PDXDC1: variants seen among roughly 807,000 people sequenced by gnomAD.
PDXDC1 encodes the protein pyridoxal dependent decarboxylase domain containing 1.
Under a neutral mutation model 100.1 loss-of-function variants are expected in PDXDC1, and 42 were observed. That is an observed-to-expected ratio of 0.42 (90% CI 0.33 to 0.54). The LOEUF (loss-of-function observed/expected upper bound fraction) is 0.54. Ranked by LOEUF, PDXDC1 falls within the 20% of genes least tolerant of loss-of-function variation. The pLI, the probability that PDXDC1 is intolerant of heterozygous loss-of-function variation, is 0.10. For synonymous variants in PDXDC1, 260 were observed against 371.7 expected (o/e 0.70, Z 3.46); for missense variants, 636 against 979.2 (o/e 0.65, Z 4.68).
intron 16 of PDXDC1, chr16:15,104,870 C>A: frequency 6.6e-7 from 1 of 1,523,026 alleles, no homozygotes; most frequent in Non-Finnish European, 8.8e-7. Flanking sequence ...TTGCACCTTT[C>A]CATCCTCCAG....
chr16:15,022,802 C>A, intron 13 of PDXDC1, 48 bp downstream of exon 13: 3 of 1,416,248 alleles, frequency 2.1e-6, no homozygotes, highest in Non-Finnish European at 2.9e-6. Context: ...TTTTTTTGAA[C>A]CTCAGCAACT....
intron 1 of PDXDC1, among the ~76,000 whole-genome samples, chr16:14,987,050 G>A (rs1312791977): frequency 6.6e-6 from 1 of 152,276 alleles, no homozygotes; most frequent in African/African-American, 2.4e-5. Context: ...GCGTGGCCAT[G>A]CTTTCACTCT....
intron 18 of PDXDC1, 129 bp from the exon 19 acceptor site, chr16:15,033,149 C>A: frequency 8.7e-7 from 1 of 1,143,874 alleles, no homozygotes; most frequent in Non-Finnish European, 1.3e-6. Context: ...AGGCCTTTCT[C>A]TCCGCCCTTA....
At chr16:15,029,097 C>A in intron 15 of PDXDC1, 131 bp downstream of exon 15, 3 of 1,074,174 alleles carry the variant, frequency 2.8e-6, no homozygotes, top group Non-Finnish European at 4.1e-6. Flanking sequence ...CAGTGCTGGG[C>A]CTGCTCTGGA....
chr16:14,974,970 C>G, upstream of PDXDC1: 6 of 1,535,006 alleles, frequency 3.9e-6, no homozygotes, highest in Non-Finnish European at 5.2e-6. Context: ...GGCGTGGCGC[C>G]CAGGTACGGA....
chr16:15,146,918 G>A, the PDXDC1 span, among the ~76,000 whole-genome samples: 2 of 151,768 alleles, frequency 1.3e-5, no homozygotes, highest in Non-Finnish European at 2.9e-5. Context: ...TGAGGAAACT[G>A]AGGCTGAGAG....
At chr16:15,038,705 A>G (rs557481252), downstream of PDXDC1, 2 of 1,397,506 alleles carry the variant, frequency 1.4e-6, no homozygotes, top group African/African-American at 1.4e-5. Flanking sequence ...AGAACGTGTC[A>G]AGGATAGAAT....
intron 16 of PDXDC1, among the ~76,000 whole-genome samples, chr16:15,124,550 G>A (rs3883146): frequency 7.3e-5 from 11 of 150,964 alleles, no homozygotes; most frequent in Admixed American, 4.0e-4. Flanking sequence ...CGAGGTGGGC[G>A]GATCACAAGG....
chr16:14,993,573 T>C lies in PDXDC1; in HGVS notation c.22-4180T>C, dbSNP rs1244610877. Among the ~76,000 whole-genome samples, 5 of 152,416 alleles carry C rather than the reference T, an allele frequency of 3.3e-5. No homozygotes were observed. The South Asian group carries it at 8.3e-4, about 25-fold the overall frequency. ...GACATTTGGGTTGGTTCCAAGTCTT[T>C]GCTATTGTGAATAGTGCCACAATAA... On this transcript the variant is annotated intron_variant, in intron 1 of 22. Coordinates refer to ENST00000396410, the MANE Select transcript of PDXDC1 (RefSeq NM_015027.4).
At chr16:15,013,892 A>T (rs1172174859) in intron 8 of PDXDC1, among the ~76,000 whole-genome samples, 1 of 139,206 alleles carries the variant, frequency 7.2e-6, no homozygotes, top group Non-Finnish European at 1.6e-5. Flanking sequence ...AAAAAAAAAA[A>T]AAAAATCATA....
In PDXDC1 at chr16:15,037,678, G is replaced by GA. The variant is rs1285172777; in HGVS notation, c.*1406dup. 1.1e-5 allele frequency: 2 copies of GA among 177,698 alleles called. No homozygotes were observed. Among genetic ancestry groups the GA allele is most frequent in the African/African-American group, 2.4e-5 (1 of 42,474 alleles). 11.0% of individuals were successfully genotyped at this position (177,698 alleles called of 1,614,324 possible). ...AATGTTGGTTTCAATAAAGGTTCTTGAAATTGTTACCAGTGAATTCAGTTT... is the reference window on the plus strand; with the variant it reads ...AATGTTGGTTTCAATAAAGGTTCTTGAAAATTGTTACCAGTGAATTCAGTTT... On this transcript the variant is annotated 3_prime_UTR_variant, in exon 23 of 23. Transcript: ENST00000396410.
intron 16 of PDXDC1, among the ~76,000 whole-genome samples, chr16:15,091,734 A>G (rs1385237654): frequency 2.0e-5 from 3 of 152,232 alleles, no homozygotes; most frequent in Non-Finnish European, 4.4e-5. Context: ...ATACAAATGG[A>G]TATTACATAT....
chr16:15,136,089 C>T lies in PDXDC1; in HGVS notation c.1400-2790C>T, dbSNP rs575958910. Reference sequence around the variant, plus strand: ...CGCCCTGCGGCGCTGGGCCCACCTCCACCCGCTGCACAGTCGAGAAGCCGA... The same window carrying T: ...CGCCCTGCGGCGCTGGGCCCACCTCTACCCGCTGCACAGTCGAGAAGCCGA... On this transcript the variant is annotated intron_variant, in intron 16 of 16. Transcript: ENST00000535621. The T allele has an allele frequency of 2.6e-4, 416 of 1,581,844 alleles. 3 individuals carry two copies. The South Asian group carries it at 4.4e-3, about 17-fold the overall frequency.
intron 16 of PDXDC1, among the ~76,000 whole-genome samples, chr16:15,074,235 A>G (rs948156227): frequency 2.0e-5 from 3 of 152,212 alleles, no homozygotes; most frequent in Non-Finnish European, 2.9e-5. Context: ...TGACTCACTG[A>G]GCTCATCTTA....
intron 16 of PDXDC1, among the ~76,000 whole-genome samples, chr16:15,103,817 G>A (rs2046658709): frequency 9.4e-6 from 1 of 105,910 alleles, no homozygotes; most frequent in Non-Finnish European, 2.0e-5. Flanking sequence ...TAATGTGAGT[G>A]ATCTTTAACA....
chr16:14,990,891 T>C (rs1474034180), intron 1 of PDXDC1, among the ~76,000 whole-genome samples: 1 of 152,258 alleles, frequency 6.6e-6, no homozygotes, highest in Non-Finnish European at 1.5e-5. Context: ...CAGGCATACG[T>C]GACCATGCCC....
chr16:15,067,181 G>A (rs1040488521), intron 16 of PDXDC1, among the ~76,000 whole-genome samples: 1 of 151,916 alleles, frequency 6.6e-6, no homozygotes. Flanking sequence ...AACTAAAGAG[G>A]CTGACGGAGC....
chr16:15,021,229 T>A (rs1184202897), intron 12 of PDXDC1, among the ~76,000 whole-genome samples: 22 of 152,140 alleles, frequency 1.4e-4, no homozygotes, highest in Non-Finnish European at 1.5e-5. Context: ...ATACAAAAAT[T>A]AGCCAGGTGT....
Position 15,036,817 on chromosome 16 carries a change from T to G in PDXDC1, c.*542T>G, listed in dbSNP as rs549969486. ...ATCAGAAGCCCTCCCCAGCTACTGCTCTTCGTGGAGACTTAGTAAGGACTG... is the reference window on the plus strand; with the variant it reads ...ATCAGAAGCCCTCCCCAGCTACTGCGCTTCGTGGAGACTTAGTAAGGACTG... On this transcript the variant is annotated 3_prime_UTR_variant, in exon 23 of 23. Coordinates refer to ENST00000396410, the MANE Select transcript of PDXDC1 (RefSeq NM_015027.4). 1 of 159,552 alleles carries G rather than the reference T, an allele frequency of 6.3e-6. No individual in the cohort carries two copies. Among genetic ancestry groups the G allele is most frequent in the African/African-American group, 2.4e-5 (1 of 41,624 alleles). 9.9% of individuals were successfully genotyped at this position (159,552 alleles called of 1,614,324 possible).
Sources: gnomAD v4.1 joint callset for allele counts (sites outside exome capture counted in the v4.1 genomes callset) on GRCh38, gnomAD v4.1.1 for gene constraint, MANE v1.5 for transcripts, NCBI Gene and HGNC (gene_info 2026-07-23, HGNC 2026-07-21) for gene names.